ZNF385D: variants seen among roughly 807,000 people sequenced by gnomAD.
ZNF385D encodes zinc finger protein 385D.
A neutral mutation model predicts 35.8 loss-of-function variants in ZNF385D; 15 were observed. That is an observed-to-expected ratio of 0.42 (90% CI 0.28 to 0.64). ZNF385D has a LOEUF of 0.64. ZNF385D is among the 30% of genes least tolerant of loss of function. The probability of loss-of-function intolerance (pLI) is 0.23; values close to 1 mark genes in which losing one functional copy is unlikely to be tolerated. For synonymous variants in ZNF385D, 212 were observed against 186.8 expected, an observed-to-expected ratio of 1.13 and a Z score of -1.10; for missense variants, 474 against 494.6, an observed-to-expected ratio of 0.96 and a Z score of 0.39.
intron 4 of ZNF385D, among the ~76,000 whole-genome samples, chr3:21,466,966 A>AT (rs1329702695): frequency 6.6e-6 from 1 of 152,030 alleles, no homozygotes; most frequent in African/African-American, 2.4e-5. Context: ...CTGAACCCAA[A>AT]TTTTCTAAAT....
Position 21,416,015 on chromosome 3 carries a change from C to CTTTT in ZNF385D, c.*5195_*5198dup, listed in dbSNP as rs1199662864. ...GACTCTTCATGACCTGCATGAACTT[C>CTTTT]TTTTTTTTTTTTTTTTTTTTTTTTT... On this transcript the variant is annotated 3_prime_UTR_variant, in exon 8 of 8. Transcript: ENST00000281523. The CTTTT allele has an allele frequency of 1.7e-4, 5 of 29,474 alleles. No homozygotes were observed. Among genetic ancestry groups the CTTTT allele is most frequent in the Admixed American group, 4.7e-4 (1 of 2,130 alleles). The allele number at this position is 29,474 out of a possible 1,614,324, so 1.8% of individuals were successfully genotyped here.
chr3:21,621,163 G>T (rs1408313649), intron 2 of ZNF385D, among the ~76,000 whole-genome samples: 1 of 151,642 alleles, frequency 6.6e-6, no homozygotes, highest in East Asian at 1.9e-4. Context: ...TGCAAATACT[G>T]GGTGGCTTTT....
chr3:22,194,666 C>T (rs1466990829), intron 2 of ZNF385D, among the ~76,000 whole-genome samples: 1 of 151,864 alleles, frequency 6.6e-6, no homozygotes, highest in African/African-American at 2.4e-5. Flanking sequence ...CATTTGTAGG[C>T]ATACCCTTTT....
chr3:22,247,615 T>TTTTATGTA (rs1699853204), intron 2 of ZNF385D, among the ~76,000 whole-genome samples: 1 of 148,204 alleles, frequency 6.7e-6, no homozygotes, highest in East Asian at 2.0e-4. Context: ...CATTTTACAA[T>TTTTATGTA]TTTATTTATT....
At chr3:21,904,905 A>G (rs1232316216) in intron 3 of ZNF385D, among the ~76,000 whole-genome samples, 1 of 152,156 alleles carries the variant, frequency 6.6e-6, no homozygotes, top group Non-Finnish European at 1.5e-5. Context: ...AAGCAGAATG[A>G]TATTGATAGA....
chr3:21,764,155 A>T (rs2070734098), intron 3 of ZNF385D, among the ~76,000 whole-genome samples: 1 of 152,208 alleles, frequency 6.6e-6, no homozygotes, highest in South Asian at 2.1e-4. Flanking sequence ...GAAATTAGTC[A>T]GACAAAGATA....
intron 2 of ZNF385D, among the ~76,000 whole-genome samples, chr3:22,293,871 A>C (rs1378413262): frequency 6.6e-6 from 1 of 152,158 alleles, no homozygotes; most frequent in Non-Finnish European, 1.5e-5. Context: ...GGTAATTTTC[A>C]TGAATGCTAA....
At chr3:22,040,680 G>C (rs1054422871) in intron 3 of ZNF385D, among the ~76,000 whole-genome samples, 21 of 152,118 alleles carry the variant, frequency 1.4e-4, no homozygotes, top group African/African-American at 4.3e-4. Context: ...CAGGAGACTT[G>C]GCAATTTTTG....
At chr3:22,210,174 G>GA (rs1447530405) in intron 2 of ZNF385D, among the ~76,000 whole-genome samples, 3 of 151,802 alleles carry the variant, frequency 2.0e-5, no homozygotes, top group African/African-American at 7.3e-5. Context: ...GCACTGCTGT[G>GA]CTTAACGCCC....
chr3:22,320,465 T>C, intron 2 of ZNF385D, among the ~76,000 whole-genome samples: 1 of 151,998 alleles, frequency 6.6e-6, no homozygotes, highest in Non-Finnish European at 1.5e-5. Flanking sequence ...CACAAATTAA[T>C]GCCCGGATAG....
chr3:21,515,196 TTTATC>T (rs1258036410), intron 3 of ZNF385D, among the ~76,000 whole-genome samples: 1 of 152,162 alleles, frequency 6.6e-6, no homozygotes. Context: ...CTCATGCACA[TTTATC>T]TTATTTGGCT....
intron 3 of ZNF385D, among the ~76,000 whole-genome samples, chr3:21,904,933 T>C (rs1184362558): frequency 1.3e-5 from 2 of 152,174 alleles, no homozygotes; most frequent in East Asian, 3.9e-4. Flanking sequence ...TTCTAGAATA[T>C]GGGTTTATCT....
intron 3 of ZNF385D, among the ~76,000 whole-genome samples, chr3:21,896,209 T>C (rs1263701224): frequency 6.6e-6 from 1 of 152,108 alleles, no homozygotes; most frequent in African/African-American, 2.4e-5. Flanking sequence ...GGGATGCCTG[T>C]AATTACATCA....
intron 2 of ZNF385D, among the ~76,000 whole-genome samples, chr3:22,201,445 A>G (rs1220960502): frequency 1.3e-5 from 2 of 152,200 alleles, no homozygotes; most frequent in African/African-American, 4.8e-5. Flanking sequence ...CATGTAGAAG[A>G]AAGCTCTAAG....
At chr3:22,184,610 G>A (rs1695503929) in intron 2 of ZNF385D, among the ~76,000 whole-genome samples, 1 of 152,114 alleles carries the variant, frequency 6.6e-6, no homozygotes, top group Non-Finnish European at 1.5e-5. Flanking sequence ...TGGATCACCT[G>A]AGGTCAGGAA....
Position 22,298,043 on chromosome 3 carries a change from G to C in ZNF385D, c.106+74407C>G, listed in dbSNP as rs529102149. ...GGAATATAATGATGAAGGGTAGAGG[G>C]AAGAGTATGTTTCAGAACTTCTCCT... On this transcript the variant is annotated intron_variant, in intron 2 of 5. Transcript: ENST00000494108. Among the ~76,000 whole-genome samples, 5 of 152,096 alleles carry C rather than the reference G, an allele frequency of 3.3e-5. No individual in the cohort carries two copies. The Middle Eastern group carries it at 0.014, about 414-fold the overall frequency.
At chr3:21,548,332 C>G (rs143728862) in intron 3 of ZNF385D, among the ~76,000 whole-genome samples, 4 of 152,282 alleles carry the variant, frequency 2.6e-5, no homozygotes, top group African/African-American at 9.6e-5. Flanking sequence ...GTGCTTCTTT[C>G]ATTTATTCAT....
chr3:22,041,623 G>A (rs1040279324), intron 3 of ZNF385D, among the ~76,000 whole-genome samples: 1 of 152,018 alleles, frequency 6.6e-6, no homozygotes, highest in Admixed American at 6.6e-5. Flanking sequence ...CACTAAAATA[G>A]GCTCAGACTG....
chr3:21,416,041 T>TTTTTTTTTTTTTTTTTTTTG lies in ZNF385D; in HGVS notation c.*5172_*5173insCAAAAAAAAAAAAAAAAAAA, dbSNP rs1700558845. 1 of 5,804 alleles carries TTTTTTTTTTTTTTTTTTTTG rather than the reference T, an allele frequency of 1.7e-4. No individual in the cohort carries two copies. Among genetic ancestry groups the TTTTTTTTTTTTTTTTTTTTG allele is most frequent in the Admixed American group, 9.8e-4 (1 of 1,024 alleles). 0.4% of individuals were successfully genotyped at this position (5,804 alleles called of 1,614,324 possible). ...TTTTTTTTTTTTTTTTTTTTTTTTTTGAGACGGAGTCTCGCTCTGTCGCCC... is the reference window on the plus strand; with the variant it reads ...TTTTTTTTTTTTTTTTTTTTTTTTTTTTTTTTTTTTTTTTTTTTTGGAGACGGAGTCTCGCTCTGTCGCCC... On this transcript the variant is annotated 3_prime_UTR_variant, in exon 8 of 8. Transcript: ENST00000281523.
Sources: gnomAD v4.1 joint callset for allele counts (sites outside exome capture counted in the v4.1 genomes callset) on GRCh38, gnomAD v4.1.1 for gene constraint, MANE v1.5 for transcripts, NCBI Gene and HGNC (gene_info 2026-07-23, HGNC 2026-07-21) for gene names.